Variants in KIF9 observed in about 807,000 individuals in gnomAD.
The protein encoded by KIF9 is kinesin-like protein KIF9.
KIF9 carries 68 observed loss-of-function variants against 94.8 expected under a neutral mutation model. That is an observed-to-expected ratio of 0.72 (90% CI 0.59 to 0.88). The LOEUF is 0.88. Ranked by LOEUF, KIF9 falls within the 40% of genes least tolerant of loss-of-function variation. KIF9 has a pLI of 0.00. For missense variants in KIF9, 882 were observed against 982.5 expected, an observed-to-expected ratio of 0.90 and a Z score of 1.37; for synonymous variants, 343 against 362.1, an observed-to-expected ratio of 0.95 and a Z score of 0.60.
intron 9 of KIF9, among the ~76,000 whole-genome samples, chr3:47,260,590 C>T (rs1559452045): frequency 6.6e-6 from 1 of 152,192 alleles, no homozygotes; most frequent in Non-Finnish European, 1.5e-5. Context: ...AGTGTGGTTG[C>T]TCATTTAATC....
At chr3:47,264,106 GGT>G in intron 9 of KIF9, 178 bp downstream of exon 9, 1 of 598,740 alleles carries the variant, frequency 1.7e-6, no homozygotes, top group Non-Finnish European at 3.1e-6. Flanking sequence ...CTTAGTGCTT[GGT>G]GTGTGGATCC....
intron 20 of KIF9, among the ~76,000 whole-genome samples, chr3:47,233,044 T>C (rs867847417): frequency 7.7e-6 from 1 of 130,366 alleles, no homozygotes; most frequent in African/African-American, 2.9e-5. Flanking sequence ...CAGGAAGAAA[T>C]AGTTGTAAAT....
intron 9 of KIF9, among the ~76,000 whole-genome samples, chr3:47,260,879 C>G (rs1446488244): frequency 6.6e-6 from 1 of 152,214 alleles, no homozygotes; most frequent in East Asian, 1.9e-4. Flanking sequence ...GATGGAGGGA[C>G]AGTACGCCCC....
intron 5 of KIF9, among the ~76,000 whole-genome samples, chr3:47,270,260 T>A (rs1701559837): frequency 6.8e-6 from 1 of 146,746 alleles, no homozygotes; most frequent in South Asian, 2.1e-4. Flanking sequence ...TTTCTTTTCT[T>A]TTTTTTTTTT....
intron 3 of KIF9, among the ~76,000 whole-genome samples, chr3:47,274,033 G>C (rs1701810839): frequency 6.6e-6 from 1 of 152,214 alleles, no homozygotes; most frequent in South Asian, 2.1e-4. Flanking sequence ...CTCTAGCACA[G>C]CTATGAACTG....
intron 10 of KIF9, among the ~76,000 whole-genome samples, chr3:47,256,804 G>A (rs368058872): frequency 6.6e-6 from 1 of 152,226 alleles, no homozygotes; most frequent in Non-Finnish European, 1.5e-5. Context: ...GCTAAGAAAA[G>A]TTCTTCTGCC....
chr3:47,255,971 G>A (rs1025581459), intron 10 of KIF9, among the ~76,000 whole-genome samples: 10 of 152,190 alleles, frequency 6.6e-5, no homozygotes, highest in African/African-American at 1.9e-4. Context: ...TGTGTTGGCC[G>A]GGCTGGTCTC....
Position 47,275,370 on chromosome 3 carries a change from T to C in KIF9, c.214A>G (p.Thr72Ala). Residue 72 changes from threonine to alanine, a missense_variant, in exon 3 of 21, where the codon ACA (threonine) becomes GCA (alanine). Physicochemically the swap from Thr to Ala is moderately conservative, Grantham distance 58. Coordinates refer to ENST00000684063, the MANE Select transcript of KIF9 (RefSeq NM_182902.4). The stretch of plus-strand genomic sequence containing the variant: ...TGAGAAACCACATCCTTTGCAACTG[T>C]CTCATAAACCAAGTCCTGGGAGGCA... ...HDASQDLVYE[T>A]VAKDVVSQAL... is the part of the protein sequence containing the mutation. 6.2e-7 allele frequency: 1 copy of C among 1,613,956 alleles called. No homozygotes were observed. Among genetic ancestry groups the C allele is most frequent in the South Asian group, 1.1e-5 (1 of 91,048 alleles).
chr3:47,256,776 C>T (rs1700644070), intron 10 of KIF9, among the ~76,000 whole-genome samples: 1 of 151,868 alleles, frequency 6.6e-6, no homozygotes, highest in Admixed American at 6.6e-5. Context: ...ACATGGGAGA[C>T]CTTTCATTTT....
At chr3:47,245,532 A>T in intron 13 of KIF9, 21 bp from the exon 14 acceptor site, 2 of 1,588,560 alleles carry the variant, frequency 1.3e-6, no homozygotes, top group Non-Finnish European at 1.7e-6. Context: ...AGCAAGAGAG[A>T]ACAGCTTGTA....
chr3:47,270,557 A>AT (rs918311328), intron 5 of KIF9, among the ~76,000 whole-genome samples: 3 of 151,832 alleles, frequency 2.0e-5, no homozygotes, highest in African/African-American at 4.8e-5. Context: ...ACCCGGCCTT[A>AT]TTTTTTTCCA....
chr3:47,275,623 T>C, intron 2 of KIF9, 133 bp from the exon 3 acceptor site: 1 of 650,926 alleles, frequency 1.5e-6, no homozygotes, highest in Non-Finnish European at 2.6e-6. Flanking sequence ...GACTCCCACG[T>C]AGGGGCTGAT....
intron 7 of KIF9, 26 bp from the exon 8 acceptor site, chr3:47,265,903 T>C (rs1701262637): frequency 2.5e-6 from 4 of 1,613,802 alleles, no homozygotes; most frequent in African/African-American, 1.3e-5. Flanking sequence ...CAGTTCCACT[T>C]TGGATGGAAT....
At chr3:47,244,670 C>T (rs371222655) in intron 15 of KIF9, 121 bp downstream of exon 15, 17 of 1,238,534 alleles carry the variant, frequency 1.4e-5, no homozygotes, top group South Asian at 2.8e-5. Flanking sequence ...GCAGCAGTGA[C>T]GTCCATTGTG....
intron 1 of KIF9, chr3:47,280,975 T>C (rs1702295858): frequency 2.8e-6 from 2 of 703,086 alleles, no homozygotes; most frequent in Non-Finnish European, 5.2e-6. Context: ...GTTACCATTC[T>C]TACGTCGCTT....
intron 1 of KIF9, chr3:47,282,088 C>G (rs912186137): frequency 3.6e-6 from 2 of 550,566 alleles, no homozygotes; most frequent in South Asian, 1.6e-4. Context: ...GGAGCCTGGG[C>G]GGCAGTGGGC....
At chr3:47,251,215 T>C (rs1022867925) in intron 10 of KIF9, among the ~76,000 whole-genome samples, 2 of 152,214 alleles carry the variant, frequency 1.3e-5, no homozygotes, top group Non-Finnish European at 2.9e-5. Flanking sequence ...TCCAGCTTGA[T>C]GACTCTGTTC....
At chr3:47,264,090 G>A (rs547175253) in intron 9 of KIF9, 196 bp downstream of exon 9, 166 of 583,554 alleles carry the variant, frequency 2.8e-4, no homozygotes, top group Non-Finnish European at 4.5e-4. Context: ...CTTTTCCTCC[G>A]CACAGCTTAG....
intron 5 of KIF9, among the ~76,000 whole-genome samples, chr3:47,269,789 TTTTTTGAGATGGAGTCTCCCTCTGTC>T (rs1701523070): frequency 9.7e-6 from 1 of 103,450 alleles, no homozygotes; most frequent in Non-Finnish European, 2.2e-5. Flanking sequence ...TTTTTTTTTT[TTTTTTGAGATGGAGTCTCCCTCTGTC>T]GCCAGGCTGG....
Sources: allele counts gnomAD v4.1 joint callset (sites outside exome capture counted in the v4.1 genomes callset), GRCh38; gene constraint gnomAD v4.1.1; transcripts MANE v1.5; gene names NCBI Gene and HGNC (gene_info 2026-07-23, HGNC 2026-07-21).